The following KIAA1217 variants were observed in gnomAD, a reference collection of about 807,000 sequenced individuals.
KIAA1217 encodes the protein sickle tail protein homolog.
In KIAA1217, 88 loss-of-function variants were observed where a neutral mutation model predicts 163.9. That is an observed-to-expected ratio of 0.54 (90% confidence interval 0.45 to 0.64). KIAA1217 has a LOEUF of 0.64. Ranked by LOEUF, KIAA1217 falls within the 30% of genes least tolerant of loss-of-function variation. The probability of loss-of-function intolerance (pLI) is 0.00; values close to 1 mark genes in which losing one functional copy is unlikely to be tolerated. For missense variants in KIAA1217, 2,372 were observed against 2,475.0 expected (o/e 0.96, Z 0.88); for synonymous variants, 903 against 923.1 (o/e 0.98, Z 0.39).
chr10:23,746,240 C>T (rs1588707589), intron 1 of KIAA1217, among the ~76,000 whole-genome samples: 1 of 152,148 alleles, frequency 6.6e-6, no homozygotes, highest in African/African-American at 2.4e-5. Context: ...GTCTTGCCTC[C>T]TCTTTCACCA....
chr10:23,709,544 A>T (rs765903522), intron 1 of KIAA1217, among the ~76,000 whole-genome samples: 47 of 152,018 alleles, frequency 3.1e-4, no homozygotes, highest in Admixed American at 4.6e-4. Flanking sequence ...AAGAAAAAAA[A>T]AAAATAAAGA....
intron 1 of KIAA1217, among the ~76,000 whole-genome samples, chr10:23,816,268 A>C (rs375293921): frequency 7.2e-5 from 11 of 152,086 alleles, no homozygotes; most frequent in African/African-American, 2.7e-4. Context: ...TCCCATGCTC[A>C]CATTTCTTTT....
At chr10:23,823,309 G>T (rs549043676) in intron 1 of KIAA1217, among the ~76,000 whole-genome samples, 229 of 152,324 alleles carry the variant, frequency 1.5e-3, no homozygotes, top group African/African-American at 5.3e-3. Flanking sequence ...ACCACCCTTG[G>T]CTCCCAGAGG....
intron 1 of KIAA1217, among the ~76,000 whole-genome samples, chr10:23,857,158 C>G (rs536857206): frequency 1.2e-4 from 18 of 152,132 alleles, no homozygotes; most frequent in Non-Finnish European, 2.5e-4. Context: ...TCTTGGCGCT[C>G]TCTCAGGGAT....
At chr10:24,409,997 C>CTTTTTTTTTTTTTTT (rs71397947) in intron 3 of KIAA1217, among the ~76,000 whole-genome samples, 2 of 123,872 alleles carry the variant, frequency 1.6e-5, no homozygotes, top group African/African-American at 6.2e-5. Context: ...TTTCTTTTTT[C>CTTTTTTTTTTTTTTT]TTTTTTTTTT....
intron 5 of KIAA1217, among the ~76,000 whole-genome samples, chr10:24,463,571 A>G (rs2062648403): frequency 1.3e-5 from 2 of 152,224 alleles, no homozygotes; most frequent in Admixed American, 6.5e-5. Flanking sequence ...AATTTTTTCA[A>G]CGTAATAATC....
intron 6 of KIAA1217, among the ~76,000 whole-genome samples, chr10:24,484,547 T>G (rs2065151160): frequency 1.3e-5 from 2 of 151,760 alleles, no homozygotes; most frequent in Non-Finnish European, 2.9e-5. Context: ...GTGTATGGCC[T>G]ATTTTTATTT....
intron 2 of KIAA1217, among the ~76,000 whole-genome samples, chr10:24,236,711 G>T (rs947590531): frequency 3.3e-5 from 5 of 151,490 alleles, no homozygotes; most frequent in Admixed American, 2.6e-4. Flanking sequence ...GAATTCAGGG[G>T]TGCAAACATA....
intron 1 of KIAA1217, among the ~76,000 whole-genome samples, chr10:23,793,158 C>T (rs576283582): frequency 1.3e-5 from 2 of 152,098 alleles, no homozygotes; most frequent in South Asian, 2.1e-4. Flanking sequence ...GGAATGTGCG[C>T]GCTTCAGTCC....
At chr10:23,882,185 A>G (rs1209657310) in intron 1 of KIAA1217, among the ~76,000 whole-genome samples, 1 of 151,942 alleles carries the variant, frequency 6.6e-6, no homozygotes, top group Non-Finnish European at 1.5e-5. Flanking sequence ...CAAATACACT[A>G]TCACATTCAT....
At chr10:24,117,726 G>C (rs960071695) in intron 2 of KIAA1217, among the ~76,000 whole-genome samples, 5 of 152,182 alleles carry the variant, frequency 3.3e-5, no homozygotes, top group Admixed American at 1.3e-4. Flanking sequence ...TCTGTGGTCA[G>C]GGCTCTGCAG....
At chr10:23,779,494 G>T (rs570798895) in intron 1 of KIAA1217, among the ~76,000 whole-genome samples, 1 of 152,240 alleles carries the variant, frequency 6.6e-6, no homozygotes, top group East Asian at 1.9e-4. Context: ...AATGTTTTCG[G>T]TCAAGGCCAG....
chr10:24,313,558 CA>C (rs1354230264), intron 2 of KIAA1217, among the ~76,000 whole-genome samples: 2 of 152,114 alleles, frequency 1.3e-5, no homozygotes, highest in Non-Finnish European at 2.9e-5. Flanking sequence ...TTTCTGTATA[CA>C]GTTTGTAGGA....
rs71397936 is a variant in KIAA1217 at position 24,230,502 on chromosome 10, G to GTTTTTTTT, written c.354+10607_354+10614dup. On this transcript the variant is annotated intron_variant, in intron 2 of 20. Coordinates refer to ENST00000376454, the MANE Select transcript of KIAA1217 (RefSeq NM_019590.5). ...TTGGGTAGGCACTACTATTTGTTTT[G>GTTTTTTTT]TTTTTTTTTTTTTTTTTTTTTGAGA... Among the ~76,000 whole-genome samples the GTTTTTTTT allele has an allele frequency of 2.1e-3, 189 of 90,624 alleles. 4 individuals carry two copies. Among genetic ancestry groups the GTTTTTTTT allele is most frequent in the East Asian group, 6.9e-3 (18 of 2,596 alleles). 59.5% of individuals were successfully genotyped at this position (90,624 alleles called of 152,430 possible). A position where few individuals can be genotyped will look rare whatever the true frequency, so the allele number is the denominator to read the frequency against.
intron 2 of KIAA1217, among the ~76,000 whole-genome samples, chr10:24,138,487 G>A (rs1001856866): frequency 1.3e-5 from 2 of 152,076 alleles, no homozygotes; most frequent in Non-Finnish European, 2.9e-5. Flanking sequence ...TTATGTATAT[G>A]ATTAGACTTT....
intron 10 of KIAA1217, 33 bp from the exon 11 acceptor site, chr10:24,520,090 C>T (rs2134496930): frequency 1.3e-6 from 2 of 1,599,814 alleles, no homozygotes; most frequent in African/African-American, 1.3e-5. Context: ...GCCTCGTGTT[C>T]AGCTCTATGT....
At chr10:24,408,939 T>G (rs909638607) in intron 3 of KIAA1217, among the ~76,000 whole-genome samples, 4 of 152,228 alleles carry the variant, frequency 2.6e-5, no homozygotes, top group Non-Finnish European at 5.9e-5. Flanking sequence ...TGACAGCAAC[T>G]ATCTTGTTTT....
chr10:24,105,763 T>C (rs2062601647), intron 2 of KIAA1217, among the ~76,000 whole-genome samples: 2 of 152,138 alleles, frequency 1.3e-5, no homozygotes, highest in South Asian at 2.1e-4. Flanking sequence ...AAGAAACAAA[T>C]GAAAAGACCA....
At chr10:24,167,219 T>TA (rs1287929361) in intron 2 of KIAA1217, among the ~76,000 whole-genome samples, 5 of 151,894 alleles carry the variant, frequency 3.3e-5, no homozygotes, top group Non-Finnish European at 1.5e-5. Flanking sequence ...ATCTTTCTGA[T>TA]AAAAAGCACT....
Sources: gnomAD v4.1 joint callset for allele counts (sites outside exome capture counted in the v4.1 genomes callset) on GRCh38, gnomAD v4.1.1 for gene constraint, MANE v1.5 for transcripts, NCBI Gene and HGNC (gene_info 2026-07-23, HGNC 2026-07-21) for gene names.